The following CLIC6 variants were observed in gnomAD, a reference collection of about 807,000 sequenced individuals.
CLIC6 encodes the protein CLIC family member 6, also known as chloride intracellular channel protein 6.
In CLIC6, 39 loss-of-function variants were observed where a neutral mutation model predicts 49.2. That is an observed-to-expected ratio of 0.79 (90% confidence interval 0.61 to 1.04). The LOEUF (loss-of-function observed/expected upper bound fraction) is 1.04. Among genes scored for constraint, CLIC6 ranks in the 50% least tolerant of loss-of-function variants. CLIC6 has a pLI of 0.00. For missense variants in CLIC6, 988 were observed against 993.1 expected, an observed-to-expected ratio of 0.99 and a Z score of 0.07; for synonymous variants, 446 against 433.4, an observed-to-expected ratio of 1.03 and a Z score of -0.36.
Position 34,718,077 on chromosome 21 carries a change from G to C in CLIC6, c.*1595G>C, listed in dbSNP as rs1354427500. On this transcript the variant is annotated 3_prime_UTR_variant, in exon 6 of 6. Transcript: ENST00000349499. Reference sequence around the variant, plus strand: ...GTTAGGGGGCAGATTTTAAAATGTAGTTTTGTAATGTTACATTTAAGCATG... The same window carrying C: ...GTTAGGGGGCAGATTTTAAAATGTACTTTTGTAATGTTACATTTAAGCATG... 2.6e-5 allele frequency: 4 copies of C among 152,554 alleles called. No homozygotes were observed. Among genetic ancestry groups the C allele is most frequent in the Non-Finnish European group, 5.9e-5 (4 of 68,018 alleles). 9.5% of individuals were successfully genotyped at this position (152,554 alleles called of 1,614,324 possible).
intron 5 of CLIC6, among the ~76,000 whole-genome samples, chr21:34,712,375 G>A (rs1384264033): frequency 2.6e-5 from 4 of 152,170 alleles, no homozygotes; most frequent in African/African-American, 7.2e-5. Flanking sequence ...ACAGATCATC[G>A]ACTTAAAGAG....
At position 34,707,945 on chromosome 21, in the gene CLIC6, A is replaced by C. The variant is rs765130528; in HGVS notation, c.1486A>C (p.Lys496Gln). The change falls in exon 3 of 6, where the codon AAA becomes CAA. Residue 496 changes from lysine (K) to glutamine (Q), a missense_variant and splice_region_variant. Physicochemically the swap from Lys to Gln is moderately conservative, Grantham distance 53. Transcript: ENST00000349499. ...FNVTTVDLKR[K>Q]PADLQNLAPG... ...ACACTGCTGTTTCCTCCCACCTAGG[A>C]AACCCGCAGACCTGCAGAACCTGGC... 24 of 1,614,048 alleles carry C rather than the reference A, an allele frequency of 1.5e-5. No individual in the cohort carries two copies. In the South Asian group the frequency reaches 2.5e-4, roughly 17 times the overall value.
chr21:34,716,266 G>T, intron 5 of CLIC6, 55 bp from the exon 6 acceptor site: 1 of 1,461,658 alleles, frequency 6.8e-7, no homozygotes, highest in Non-Finnish European at 9.4e-7. Flanking sequence ...TGTCTGACTT[G>T]GGAGCCTACC....
intron 1 of CLIC6, among the ~76,000 whole-genome samples, chr21:34,696,030 G>A (rs977454028): frequency 3.3e-5 from 5 of 152,332 alleles, no homozygotes; most frequent in Middle Eastern, 6.8e-3. Flanking sequence ...GCATGGGAAT[G>A]GAGGATGAGG....
intron 1 of CLIC6, among the ~76,000 whole-genome samples, chr21:34,674,280 A>C (rs1989621328): frequency 6.6e-6 from 1 of 152,190 alleles, no homozygotes; most frequent in Admixed American, 6.5e-5. Context: ...TTGTAGAGAC[A>C]GAGGTCTCAC....
At chr21:34,675,692 C>A (rs374134569) in intron 1 of CLIC6, among the ~76,000 whole-genome samples, 1 of 152,086 alleles carries the variant, frequency 6.6e-6, no homozygotes, top group African/African-American at 2.4e-5. Context: ...GGTGGGGATA[C>A]CCCTGCCACA....
At chr21:34,679,175 G>A (rs1404091849) in intron 1 of CLIC6, among the ~76,000 whole-genome samples, 1 of 152,240 alleles carries the variant, frequency 6.6e-6, no homozygotes, top group Admixed American at 6.5e-5. Context: ...GTTCTGCATG[G>A]CCTGGGAGGC....
Position 34,705,550 on chromosome 21 carries a change from C to T in CLIC6, c.1375-1730C>T, listed in dbSNP as rs940553894. Among the ~76,000 whole-genome samples the T allele has an allele frequency of 2.6e-5, 4 of 152,094 alleles. No individual in the cohort carries two copies. The South Asian group carries it at 8.3e-4, about 32-fold the overall frequency. On this transcript the variant is annotated intron_variant, in intron 1 of 5. Transcript: ENST00000349499. ...AAGATACCTGGAGAGATTCTCAGAC[C>T]CTCCCCTCTAATAGGCAGAGAGGAA...
chr21:34,697,590 T>C (rs1171345630), intron 1 of CLIC6, among the ~76,000 whole-genome samples: 1 of 152,222 alleles, frequency 6.6e-6, no homozygotes, highest in Non-Finnish European at 1.5e-5. Flanking sequence ...CAATGGTATT[T>C]CCCCATCTAA....
intron 5 of CLIC6, among the ~76,000 whole-genome samples, chr21:34,714,740 A>C (rs1003559452): frequency 7.2e-5 from 11 of 152,058 alleles, no homozygotes; most frequent in Non-Finnish European, 1.5e-4. Flanking sequence ...GAGAATTCCT[A>C]TATATTTAAA....
At chr21:34,706,019 G>C in intron 1 of CLIC6, 2 of 676,714 alleles carry the variant, frequency 3.0e-6, no homozygotes, top group Non-Finnish European at 2.7e-6. Context: ...CTTTTCTTTT[G>C]TATTTAGGTA....
intron 1 of CLIC6, among the ~76,000 whole-genome samples, chr21:34,672,160 CTT>C (rs1453630510): frequency 6.6e-6 from 1 of 152,214 alleles, no homozygotes; most frequent in Non-Finnish European, 1.5e-5. Context: ...AATCTAGTCT[CTT>C]TGTAATAGCC....
At chr21:34,707,443 A>G in intron 2 of CLIC6, 54 bp downstream of exon 2, 1 of 675,182 alleles carries the variant, frequency 1.5e-6, no homozygotes, top group East Asian at 2.6e-5. Flanking sequence ...CTCTGCACAC[A>G]CACACACACA....
At chr21:34,703,254 A>C (rs1256753519) in intron 1 of CLIC6, among the ~76,000 whole-genome samples, 4 of 152,154 alleles carry the variant, frequency 2.6e-5, no homozygotes, top group Non-Finnish European at 5.9e-5. Flanking sequence ...GTTTTTCATT[A>C]TATTTGGGCA....
At position 34,709,323 on chromosome 21, in the gene CLIC6, C is replaced by A. The variant is rs765189005; in HGVS notation, c.1718-34C>A. ...GTGAAAAGTGACATGCACTTGCAAA[C>A]CTCTCTTTGTGATTTCTTGCCCTTC... On this transcript the variant is annotated intron_variant, in intron 4 of 5. Transcript: ENST00000349499. 8.8e-6 allele frequency: 14 copies of A among 1,590,404 alleles called. No individual in the cohort carries two copies. In the South Asian group the frequency reaches 1.2e-4, roughly 14 times the overall value.
intron 5 of CLIC6, among the ~76,000 whole-genome samples, chr21:34,715,375 CTG>C (rs2056080237): frequency 6.6e-6 from 1 of 152,134 alleles, no homozygotes; most frequent in African/African-American, 2.4e-5. Flanking sequence ...TCGTTGCAAA[CTG>C]GGGAAATTTG....
intron 1 of CLIC6, among the ~76,000 whole-genome samples, chr21:34,684,422 G>A (rs557777851): frequency 6.6e-6 from 1 of 152,334 alleles, no homozygotes; most frequent in East Asian, 1.9e-4. Context: ...CCCCTGCCAT[G>A]TGCCTGTCTA....
intron 1 of CLIC6, among the ~76,000 whole-genome samples, chr21:34,699,687 C>T (rs928739376): frequency 7.9e-5 from 12 of 152,252 alleles, no homozygotes; most frequent in Non-Finnish European, 1.2e-4. Flanking sequence ...GAAGCAGCAT[C>T]GTTCGTAATA....
Position 34,709,481 on chromosome 21 carries a change from T to C in CLIC6, c.1842T>C (p.Asp614=), listed in dbSNP as rs755674686. 1.2e-6 allele frequency: 2 copies of C among 1,613,916 alleles called. No homozygotes were observed. The highest frequency in any genetic ancestry group is 1.7e-6 in the Non-Finnish European group (2 of 1,179,894). ...DVTVSGRKFL[D]GDELTLADCN... The stretch of plus-strand genomic sequence containing the variant: ...CTGTTTCTGGAAGGAAGTTTCTGGA[T>C]GGGGACGAGCTGACGCTGGCTGACT... Residue 614 remains aspartate (D), a synonymous_variant, in exon 5 of 6, where the codon GAT becomes GAC. Coordinates refer to ENST00000349499, the MANE Select transcript of CLIC6 (RefSeq NM_053277.3).
Sources: allele counts gnomAD v4.1 joint callset (sites outside exome capture counted in the v4.1 genomes callset), GRCh38; gene constraint gnomAD v4.1.1; transcripts MANE v1.5; gene names NCBI Gene and HGNC (gene_info 2026-07-23, HGNC 2026-07-21).